Variants in TBC1D9 observed in about 807,000 individuals in gnomAD.
TBC1D9 encodes the protein TBC1 domain family member 9A.
TBC1D9 carries 63 observed loss-of-function variants against 132.0 expected under a neutral mutation model. The observed-to-expected ratio is 0.48, with a 90% CI of 0.39 to 0.59. TBC1D9 has a LOEUF of 0.59. Ranked by LOEUF, TBC1D9 falls within the 20% of genes least tolerant of loss-of-function variation. The pLI, the probability that TBC1D9 is intolerant of heterozygous loss-of-function variation, is 0.00. For synonymous variants in TBC1D9, 610 were observed against 609.9 expected (o/e 1.00, Z 0.00); for missense variants, 1,261 against 1,592.7 (o/e 0.79, Z 3.54).
rs35891616 is a variant in TBC1D9, at chr4:140,742,531, C to CAA, written c.130+13383_130+13384dup. On this transcript the variant is annotated intron_variant, in intron 1 of 20. Transcript: ENST00000442267. ...TGGGCAACAGAGTGAGACTCTGTCT[C>CAA]AAAAAAAAAAAAAAAAAAAAAAAAA... is the stretch of plus-strand genomic sequence containing the variant. Among the ~76,000 whole-genome samples the CAA allele has an allele frequency of 9.9e-3, 630 of 63,320 alleles. 16 individuals are homozygous for CAA. Among genetic ancestry groups the CAA allele is most frequent in the African/African-American group, 0.026 (419 of 16,038 alleles). The allele number at this position is 63,320 out of a possible 152,430, so 41.5% of individuals were successfully genotyped here.
At chr4:140,688,243 C>T (rs2111027253) in intron 2 of TBC1D9, among the ~76,000 whole-genome samples, 1 of 152,348 alleles carries the variant, frequency 6.6e-6, no homozygotes, top group Middle Eastern at 3.4e-3. Context: ...AACTGTCCTA[C>T]AATGTCATGG....
rs879885577 is a variant in TBC1D9, at chr4:140,727,806, T to TA, written c.131-26193dup. ...ATGAGTGACGAATTAGCCAGGAAGT[T>TA]AAAAAAAAAAAGGGGTGGGAATGGC... is the stretch of plus-strand genomic sequence containing the variant. On this transcript the variant is annotated intron_variant, in intron 1 of 20. Transcript: ENST00000442267. Among the ~76,000 whole-genome samples the TA allele has an allele frequency of 6.2e-3, 891 of 144,500 alleles. 5 individuals carry two copies. Among genetic ancestry groups the TA allele is most frequent in the African/African-American group, 0.015 (613 of 39,556 alleles). The allele number at this position is 144,500 out of a possible 152,430, so 94.8% of individuals were successfully genotyped here.
intron 1 of TBC1D9, among the ~76,000 whole-genome samples, chr4:140,746,715 G>A (rs896829702): frequency 1.3e-5 from 2 of 152,130 alleles, no homozygotes; most frequent in African/African-American, 2.4e-5. Flanking sequence ...ATCAGATCTC[G>A]TGAGACTTAT....
intron 1 of TBC1D9, among the ~76,000 whole-genome samples, chr4:140,740,427 T>G (rs1377614411): frequency 6.6e-6 from 1 of 152,210 alleles, no homozygotes; most frequent in Non-Finnish European, 1.5e-5. Flanking sequence ...AATCTCATCT[T>G]CCTGGGTGCA....
intron 13 of TBC1D9, among the ~76,000 whole-genome samples, chr4:140,651,818 G>C (rs1737191519): frequency 6.6e-6 from 1 of 152,188 alleles, no homozygotes; most frequent in Non-Finnish European, 1.5e-5. Flanking sequence ...TGGATGATGG[G>C]TTAAAGGAAA....
chr4:140,644,922 G>A (rs1482578038), intron 13 of TBC1D9: 7 of 445,936 alleles, frequency 1.6e-5, no homozygotes, highest in Non-Finnish European at 2.7e-5. Flanking sequence ...GGGTGGGAAC[G>A]CAGGGGCCAT....
At position 140,701,521 on chromosome 4, in the gene TBC1D9, T is replaced by C. The variant is rs754410008; in HGVS notation, c.224A>G (p.Tyr75Cys). 1.2e-6 allele frequency: 2 copies of C among 1,613,868 alleles called. No individual in the cohort carries two copies. The highest frequency in any genetic ancestry group is 1.7e-6 in the Non-Finnish European group (2 of 1,179,798). Residue 75 changes from tyrosine to cysteine, a missense_variant, in exon 2 of 21, where the codon TAC (tyrosine) becomes TGC (cysteine). By Grantham distance (194) the Tyr-to-Cys change is radical (BLOSUM62 -2). This residue lies in a region of TBC1D9 where 550 missense variants were observed against 699.0 expected (regional missense o/e 0.79). Transcript: ENST00000442267. ...ILYQTPDSLV[Y>C]WTIACGGSRK... ...TTGCTTACCACAGGCGATGGTCCAG[T>C]AGACCAGGGAGTCTGGAGTCTGGTA...
At chr4:140,640,732 G>A (rs927718829) in intron 13 of TBC1D9, among the ~76,000 whole-genome samples, 2 of 152,010 alleles carry the variant, frequency 1.3e-5, no homozygotes, top group Middle Eastern at 3.2e-3. Context: ...ATCGAGTGTT[G>A]GTAAAGATAT....
At chr4:140,722,219 T>G (rs1738436184) in intron 1 of TBC1D9, among the ~76,000 whole-genome samples, 1 of 152,120 alleles carries the variant, frequency 6.6e-6, no homozygotes, top group Admixed American at 6.5e-5. Context: ...CCTGAGAAAT[T>G]CCACTAATCA....
chr4:140,735,266 T>C (rs1222563915), intron 1 of TBC1D9, among the ~76,000 whole-genome samples: 1 of 152,282 alleles, frequency 6.6e-6, no homozygotes, highest in East Asian at 1.9e-4. Flanking sequence ...ATAACCATTA[T>C]GGGCTCTCTA....
chr4:140,630,384 CA>C (rs1736776005), intron 16 of TBC1D9, among the ~76,000 whole-genome samples: 1 of 152,302 alleles, frequency 6.6e-6, no homozygotes, highest in Middle Eastern at 3.4e-3. Flanking sequence ...TCCATGGTAG[CA>C]TTATAACCTG....
intron 13 of TBC1D9, chr4:140,643,175 C>T: frequency 1.4e-6 from 2 of 1,434,198 alleles, no homozygotes; most frequent in South Asian, 1.2e-5. Context: ...CGGCTGCCAG[C>T]AGGCTCTCCA....
chr4:140,689,923 T>C (rs187638609), intron 2 of TBC1D9, among the ~76,000 whole-genome samples: 1 of 150,952 alleles, frequency 6.6e-6, no homozygotes, highest in African/African-American at 2.4e-5. Context: ...TAATTGTTTT[T>C]ATATTTTTAG....
intron 1 of TBC1D9, among the ~76,000 whole-genome samples, chr4:140,751,990 G>GGAA (rs1468393051): frequency 6.6e-6 from 1 of 152,140 alleles, no homozygotes; most frequent in Non-Finnish European, 1.5e-5. Context: ...GGAGTATATT[G>GGAA]GTACAACTAC....
chr4:140,639,480 T>A (rs1463401253), intron 13 of TBC1D9, 52 bp from the exon 14 acceptor site: 1 of 1,282,106 alleles, frequency 7.8e-7, no homozygotes, highest in East Asian at 2.4e-5. Context: ...CAGCACACAA[T>A]GTCCTGTCTG....
At chr4:140,684,932 C>T (rs1737757965) in intron 3 of TBC1D9, among the ~76,000 whole-genome samples, 1 of 151,882 alleles carries the variant, frequency 6.6e-6, no homozygotes, top group Admixed American at 6.6e-5. Context: ...ATAATTAAGT[C>T]CAGTAATGAA....
intron 1 of TBC1D9, among the ~76,000 whole-genome samples, chr4:140,718,603 C>G (rs1738375925): frequency 6.6e-6 from 1 of 152,184 alleles, no homozygotes; most frequent in Non-Finnish European, 1.5e-5. Context: ...TGGCTATTTT[C>G]AAATAATTTC....
chr4:140,742,672 A>T (rs1738778132), intron 1 of TBC1D9, among the ~76,000 whole-genome samples: 1 of 152,042 alleles, frequency 6.6e-6, no homozygotes, highest in East Asian at 1.9e-4. Flanking sequence ...CTAGTAGAGG[A>T]TGTTTTCAAA....
rs1035279933 is a variant in TBC1D9, at chr4:140,664,771, A to G, written c.1589-2664T>C. Reference sequence around the variant, plus strand: ...CTGGGACAACTAGATATCCATACGGAAAAGAATGAATTAGACAGTCACCTG... The same window carrying G: ...CTGGGACAACTAGATATCCATACGGGAAAGAATGAATTAGACAGTCACCTG... On this transcript the variant is annotated intron_variant, in intron 9 of 20. Transcript: ENST00000442267. 6.6e-5 allele frequency among the ~76,000 whole-genome samples: 10 copies of G among 152,272 alleles called. No homozygotes were observed. The East Asian group carries it at 1.7e-3, about 26-fold the overall frequency.
Sources: allele counts gnomAD v4.1 joint callset (sites outside exome capture counted in the v4.1 genomes callset), GRCh38; gene constraint gnomAD v4.1.1; regional missense constraint gnomAD v4.1.1; transcripts MANE v1.5; gene names NCBI Gene and HGNC (gene_info 2026-07-23, HGNC 2026-07-21).